RGS10: variants seen among roughly 807,000 people sequenced by gnomAD.
RGS10 encodes regulator of G protein signaling 10.
In RGS10, 11 loss-of-function variants were observed where a neutral mutation model predicts 23.5. The observed-to-expected ratio is 0.47, with a 90% confidence interval of 0.29 to 0.77. The LOEUF is 0.77. Ranked by LOEUF, RGS10 falls within the 30% of genes least tolerant of loss-of-function variation. The pLI is 0.08. For missense variants in RGS10, 180 were observed against 226.3 expected (o/e 0.80, Z 1.31); for synonymous variants, 77 against 83.2 (o/e 0.92, Z 0.41).
Position 119,515,656 on chromosome 10 carries a change from G to A in RGS10, c.256-4C>T, listed in dbSNP as rs1381145050. ...TCTCCTTTGCCTTTTCCTGCATCTG[G>A]AGGAGACAGATGGGGCCTTGTGCTA... On this transcript the variant is annotated splice_polypyrimidine_tract_variant and splice_region_variant and intron_variant, in intron 3 of 4. Transcript: ENST00000369103. 6.2e-7 allele frequency: 1 copy of A among 1,611,814 alleles called. No homozygotes were observed. The highest frequency in any genetic ancestry group is 2.2e-5 in the East Asian group (1 of 44,760).
intron 4 of RGS10, among the ~76,000 whole-genome samples, chr10:119,505,674 T>C (rs1474868056): frequency 6.6e-6 from 1 of 152,058 alleles, no homozygotes; most frequent in Non-Finnish European, 1.5e-5. Context: ...AATGTGCCGC[T>C]CCAGGAAAGG....
intron 4 of RGS10, among the ~76,000 whole-genome samples, chr10:119,501,161 G>A (rs3009902): frequency 7.9e-4 from 121 of 152,320 alleles, no homozygotes; most frequent in Middle Eastern, 3.4e-3. Flanking sequence ...AGAAAGAGAA[G>A]CACAAAGCCT....
intron 4 of RGS10, among the ~76,000 whole-genome samples, chr10:119,505,783 G>A (rs1035038087): frequency 2.0e-5 from 3 of 152,110 alleles, no homozygotes; most frequent in African/African-American, 7.2e-5. Flanking sequence ...CATTCATTGC[G>A]TTTCAAGCCT....
intron 4 of RGS10, among the ~76,000 whole-genome samples, chr10:119,513,420 A>AGGG (rs1844099790): frequency 6.6e-6 from 1 of 152,152 alleles, no homozygotes; most frequent in African/African-American, 2.4e-5. Flanking sequence ...GGTTCATGCC[A>AGGG]CTGTGCTCCA....
At chr10:119,534,508 T>C (rs1161591144) in intron 1 of RGS10, among the ~76,000 whole-genome samples, 2 of 149,746 alleles carry the variant, frequency 1.3e-5, no homozygotes, top group Admixed American at 6.7e-5. Flanking sequence ...GAAGAATTGC[T>C]TGAACCCAGG....
intron 4 of RGS10, among the ~76,000 whole-genome samples, chr10:119,505,000 G>A (rs1240823834): frequency 6.6e-6 from 1 of 152,122 alleles, no homozygotes; most frequent in East Asian, 1.9e-4. Flanking sequence ...TCATCCAGTT[G>A]GCTTGTTGAT....
intron 4 of RGS10, 91 bp from the exon 5 acceptor site, chr10:119,500,350 C>A: frequency 4.3e-6 from 5 of 1,151,492 alleles, no homozygotes; most frequent in South Asian, 1.7e-5. Flanking sequence ...CTACCATGTG[C>A]CAAAGAATAC....
intron 1 of RGS10, among the ~76,000 whole-genome samples, chr10:119,528,812 C>G (rs975853281): frequency 1.1e-4 from 17 of 150,426 alleles, no homozygotes; most frequent in African/African-American, 3.9e-4. Flanking sequence ...CCAGCCTGGG[C>G]GACAGAGCAA....
At chr10:119,508,140 G>A (rs760344878) in intron 4 of RGS10, among the ~76,000 whole-genome samples, 45 of 152,018 alleles carry the variant, frequency 3.0e-4, no homozygotes, top group Non-Finnish European at 5.6e-4. Context: ...TGAGAATACA[G>A]GCGTGCACCA....
At chr10:119,535,081 T>C (rs1564716551) in intron 1 of RGS10, among the ~76,000 whole-genome samples, 3 of 151,950 alleles carry the variant, frequency 2.0e-5, no homozygotes, top group African/African-American at 7.3e-5. Context: ...AAATGGGAAA[T>C]CACGGCCCAA....
chr10:119,535,381 G>A (rs369082631), intron 1 of RGS10, among the ~76,000 whole-genome samples: 9 of 152,172 alleles, frequency 5.9e-5, no homozygotes, highest in African/African-American at 9.6e-5. Context: ...GGCTTCTGGC[G>A]TCAGTAAAAG....
intron 4 of RGS10, among the ~76,000 whole-genome samples, chr10:119,502,145 A>AC (rs138888265): frequency 0.028 from 4,179 of 150,984 alleles, 134 homozygotes; most frequent in East Asian, 0.13. Flanking sequence ...AAAAAAAAAC[A>AC]AACTTTTTTT....
intron 4 of RGS10, among the ~76,000 whole-genome samples, chr10:119,504,131 T>C (rs758047446): frequency 2.2e-4 from 34 of 152,216 alleles, no homozygotes; most frequent in Admixed American, 1.8e-3. Flanking sequence ...TGACTGATAC[T>C]AAATTTTAAA....
rs533852702 is a variant in RGS10 at position 119,537,637 on chromosome 10, C to T, written c.49+4953G>A. On this transcript the variant is annotated intron_variant, in intron 1 of 4. Coordinates refer to ENST00000369103, the MANE Select transcript of RGS10 (RefSeq NM_001005339.2). ...AGATGCCAGAAATGAAAGGTGGGGG[C>T]TATTTTCTCACAGAACTTAAAATGA... Among the ~76,000 whole-genome samples the T allele has an allele frequency of 2.6e-5, 4 of 152,238 alleles. No individual in the cohort carries two copies. The South Asian group carries it at 8.3e-4, about 32-fold the overall frequency.
At chr10:119,516,745 A>G (rs901332948) in intron 3 of RGS10, among the ~76,000 whole-genome samples, 12 of 152,162 alleles carry the variant, frequency 7.9e-5, no homozygotes, top group African/African-American at 2.2e-4. Context: ...ACTGATGGTA[A>G]GGAGATGACT....
chr10:119,518,996 G>C (rs1430594319), intron 3 of RGS10, among the ~76,000 whole-genome samples: 2 of 152,152 alleles, frequency 1.3e-5, no homozygotes, highest in South Asian at 2.1e-4. Flanking sequence ...GTGAGCCACC[G>C]TGCCTAGTCT....
chr10:119,503,339 CAA>C (rs550253387), intron 4 of RGS10, among the ~76,000 whole-genome samples: 77 of 103,324 alleles, frequency 7.5e-4, no homozygotes, highest in Middle Eastern at 5.7e-3. Flanking sequence ...GACCCTGTCT[CAA>C]AAAAAAAAAA....
chr10:119,501,245 C>T (rs765288781), intron 4 of RGS10, among the ~76,000 whole-genome samples: 8 of 152,152 alleles, frequency 5.3e-5, no homozygotes, highest in Admixed American at 5.2e-4. Flanking sequence ...CCACTTAACT[C>T]GCAGTACACT....
intron 4 of RGS10, 191 bp downstream of exon 4, chr10:119,515,318 G>T: frequency 1.6e-6 from 1 of 645,152 alleles, no homozygotes; most frequent in Non-Finnish European, 2.7e-6. Flanking sequence ...GGGGACTCCT[G>T]TGGGGCAAAT....
Sources: allele counts gnomAD v4.1 joint callset (sites outside exome capture counted in the v4.1 genomes callset), GRCh38; gene constraint gnomAD v4.1.1; transcripts MANE v1.5; gene names NCBI Gene and HGNC (gene_info 2026-07-23, HGNC 2026-07-21).